Variants in THRB observed in about 807,000 individuals in gnomAD.
THRB encodes the protein nuclear receptor subfamily 1 group A member 2.
THRB carries 12 observed loss-of-function variants against 47.8 expected under a neutral mutation model. The ratio of observed to expected loss-of-function variants is 0.25; its 90% CI spans 0.16 to 0.41. The LOEUF (loss-of-function observed/expected upper bound fraction) is 0.41. Among genes scored for constraint, THRB ranks in the 10% least tolerant of loss-of-function variants. The pLI is 1.00. For synonymous variants in THRB, 218 were observed against 212.2 expected (o/e 1.03, Z -0.24); for missense variants, 348 against 589.2 (o/e 0.59, Z 4.24).
intron 3 of THRB, among the ~76,000 whole-genome samples, chr3:24,247,036 G>C (rs1234152360): frequency 1.3e-5 from 2 of 152,198 alleles, no homozygotes; most frequent in South Asian, 2.1e-4. Context: ...TGATATGCTT[G>C]AATGTGTTTC....
chr3:24,228,821 T>C (rs1175055442), intron 4 of THRB, 117 bp downstream of exon 4: 18 of 934,624 alleles, frequency 1.9e-5, no homozygotes, highest in Non-Finnish European at 3.1e-5. Context: ...ATAACACTTA[T>C]TGGTTTGGAA....
chr3:24,128,765 G>C (rs1355908125), intron 9 of THRB, among the ~76,000 whole-genome samples: 1 of 151,544 alleles, frequency 6.6e-6, no homozygotes. Flanking sequence ...CAAGCTGGGT[G>C]GGGGCGGGGG....
chr3:24,137,190 C>G (rs1223083747), intron 8 of THRB, among the ~76,000 whole-genome samples: 1 of 152,180 alleles, frequency 6.6e-6, no homozygotes, highest in African/African-American at 2.4e-5. Flanking sequence ...TTGTCTTTGC[C>G]TACTGTGTAC....
At chr3:24,166,220 G>A (rs947801942) in intron 5 of THRB, among the ~76,000 whole-genome samples, 1 of 152,180 alleles carries the variant, frequency 6.6e-6, no homozygotes, top group Non-Finnish European at 1.5e-5. Context: ...TACATTAACT[G>A]TTCAATTCTG....
intron 6 of THRB, 45 bp from the exon 7 acceptor site, chr3:24,146,867 T>C (rs772500355): frequency 6.3e-7 from 1 of 1,585,136 alleles, no homozygotes; most frequent in Admixed American, 1.7e-5. Context: ...CATATTTTCT[T>C]GAAATCAGTG....
In THRB at chr3:24,363,805, T is replaced by C. The variant is rs759735941; in HGVS notation, c.-260-26434A>G. On this transcript the variant is annotated intron_variant, in intron 1 of 10. Transcript: ENST00000646209. ...CTTCATAATTTCCAAAAAAAAGTCA[T>C]GTCTGTGTATTCGGCTCGTGGCAAA... Among the ~76,000 whole-genome samples, 20 of 152,304 alleles carry C rather than the reference T, an allele frequency of 1.3e-4. No homozygotes were observed. In the Middle Eastern group the frequency reaches 0.014, roughly 104 times the overall value.
At chr3:24,280,004 A>G (rs1425810290) in intron 3 of THRB, among the ~76,000 whole-genome samples, 1 of 152,188 alleles carries the variant, frequency 6.6e-6, no homozygotes, top group African/African-American at 2.4e-5. Context: ...CCAGATAGTT[A>G]ATAGGGTCCA....
intron 3 of THRB, among the ~76,000 whole-genome samples, chr3:24,231,489 C>T (rs931477129): frequency 5.9e-5 from 9 of 151,998 alleles, no homozygotes; most frequent in African/African-American, 2.2e-4. Flanking sequence ...AACTATAGTA[C>T]AATTTAGTAC....
chr3:24,372,956 G>A (rs754740197), intron 1 of THRB, among the ~76,000 whole-genome samples: 14 of 152,088 alleles, frequency 9.2e-5, no homozygotes, highest in East Asian at 1.9e-4. Context: ...TGTTTTTGTC[G>A]TGGTTTTTAG....
chr3:24,126,231 AC>A (rs1008013570), intron 10 of THRB, among the ~76,000 whole-genome samples: 2 of 151,994 alleles, frequency 1.3e-5, no homozygotes, highest in African/African-American at 4.8e-5. Context: ...GTTTCTCTCT[AC>A]AAAACAATAA....
intron 1 of THRB, among the ~76,000 whole-genome samples, chr3:24,451,045 G>A (rs1301084573): frequency 1.3e-5 from 2 of 152,014 alleles, no homozygotes; most frequent in African/African-American, 4.8e-5. Context: ...TTTTGTTATA[G>A]GAAAAGTGAC....
At chr3:24,389,053 C>T (rs994007822) in intron 1 of THRB, among the ~76,000 whole-genome samples, 3 of 152,150 alleles carry the variant, frequency 2.0e-5, no homozygotes, top group Admixed American at 1.3e-4. Flanking sequence ...CTGAAGGAGA[C>T]TGTGTGACTA....
chr3:24,135,834 TA>T (rs1559422196), intron 8 of THRB, among the ~76,000 whole-genome samples: 3 of 117,450 alleles, frequency 2.6e-5, no homozygotes, highest in East Asian at 6.7e-4. Flanking sequence ...TATATATATA[TA>T]TATATATATA....
At chr3:24,143,856 C>T (rs2035764058) in intron 7 of THRB, 150 bp from the exon 8 acceptor site, 1 of 741,442 alleles carries the variant, frequency 1.3e-6, no homozygotes, top group African/African-American at 1.7e-5. Context: ...CAGTTTCTCT[C>T]CTCACCAGCA....
At chr3:24,408,895 T>C (rs983702260) in intron 1 of THRB, among the ~76,000 whole-genome samples, 4 of 151,802 alleles carry the variant, frequency 2.6e-5, no homozygotes, top group African/African-American at 4.8e-5. Flanking sequence ...CTATACTCTA[T>C]AAAAATGTCA....
In THRB at chr3:24,282,727, A is replaced by G. The variant is rs553441776; in HGVS notation, c.-43+14499T>C. Among the ~76,000 whole-genome samples the G allele has an allele frequency of 1.6e-4, 24 of 149,648 alleles. No individual in the cohort carries two copies. The South Asian group carries it at 4.8e-3, about 30-fold the overall frequency. The stretch of plus-strand genomic sequence containing the variant: ...AAAAAAAGAGAGAACAATCAAATAG[A>G]CGCAATAAAAAATGATAAAGAGGAT... On this transcript the variant is annotated intron_variant, in intron 3 of 10. Transcript: ENST00000646209.
intron 1 of THRB, among the ~76,000 whole-genome samples, chr3:24,468,997 T>G (rs951567115): frequency 2.6e-5 from 4 of 152,150 alleles, no homozygotes; most frequent in African/African-American, 9.7e-5. Context: ...TATGCCTATA[T>G]ATCTGAGGTC....
chr3:24,273,439 T>A (rs1321745425), intron 3 of THRB, among the ~76,000 whole-genome samples: 1 of 152,002 alleles, frequency 6.6e-6, no homozygotes, highest in East Asian at 1.9e-4. Context: ...TACCACAGGG[T>A]TATGGTTATA....
At chr3:24,330,130 C>T (rs2061825175) in intron 2 of THRB, among the ~76,000 whole-genome samples, 1 of 151,356 alleles carries the variant, frequency 6.6e-6, no homozygotes, top group African/African-American at 2.4e-5. Flanking sequence ...AAGGTGAAAC[C>T]CCGTCTCTAC....
Sources: allele counts gnomAD v4.1 joint callset (sites outside exome capture counted in the v4.1 genomes callset), GRCh38; gene constraint gnomAD v4.1.1; transcripts MANE v1.5; gene names NCBI Gene and HGNC (gene_info 2026-07-23, HGNC 2026-07-21).